CORO2B: variants seen among roughly 807,000 people sequenced by gnomAD.
The protein encoded by CORO2B is coronin-2B.
Under a neutral mutation model 58.8 loss-of-function variants are expected in CORO2B, and 26 were observed. That is an observed-to-expected ratio of 0.44 (90% CI 0.32 to 0.61). The LOEUF (loss-of-function observed/expected upper bound fraction) is 0.61, where lower values mean the gene tolerates loss of function less well. Among genes scored for constraint, CORO2B ranks in the 20% least tolerant of loss-of-function variants. The pLI is 0.04. For synonymous variants in CORO2B, 242 were observed against 253.8 expected (o/e 0.95, Z 0.44); for missense variants, 460 against 645.1 (o/e 0.71, Z 3.11).
chr15:68,711,811 TG>T lies in CORO2B; in HGVS notation c.648+106del, dbSNP rs1177354395. ...AGGCTGTGCCAGCCCCCTTCTCCAGTGCATCTCACTGCACCTCTGTTGAACA... is the reference window on the plus strand; with the variant it reads ...AGGCTGTGCCAGCCCCCTTCTCCAGTCATCTCACTGCACCTCTGTTGAACA... On this transcript the variant is annotated intron_variant, in intron 5 of 11. Coordinates refer to ENST00000261861, the MANE Select transcript of CORO2B (RefSeq NM_006091.5). 3 of 1,261,070 alleles carry T rather than the reference TG, an allele frequency of 2.4e-6. No homozygotes were observed. The Admixed American group carries it at 6.7e-5, about 28-fold the overall frequency. 78.1% of individuals were successfully genotyped at this position (1,261,070 alleles called of 1,614,324 possible).
the CORO2B span, among the ~76,000 whole-genome samples, chr15:68,531,093 C>T: frequency 3.9e-5 from 6 of 152,170 alleles, no homozygotes; most frequent in African/African-American, 1.4e-4. Context: ...CTTTTACATA[C>T]AATCCATGAC....
At chr15:68,695,636 C>T (rs1344540417) in intron 3 of CORO2B, among the ~76,000 whole-genome samples, 2 of 152,240 alleles carry the variant, frequency 1.3e-5, no homozygotes, top group African/African-American at 2.4e-5. Flanking sequence ...AGGAAAAGAG[C>T]GCCTGTTCTT....
At chr15:68,588,716 T>C (rs1899628185) in intron 1 of CORO2B, among the ~76,000 whole-genome samples, 1 of 152,212 alleles carries the variant, frequency 6.6e-6, no homozygotes, top group African/African-American at 2.4e-5. Flanking sequence ...TTTAAACACC[T>C]TGAGTTTGAT....
intron 1 of CORO2B, among the ~76,000 whole-genome samples, chr15:68,629,118 G>A (rs1374873512): frequency 1.3e-5 from 2 of 152,250 alleles, no homozygotes; most frequent in South Asian, 2.1e-4. Context: ...GGGGAGTGCC[G>A]AATGTATCTT....
chr15:68,657,618 G>A (rs563873919), intron 2 of CORO2B, among the ~76,000 whole-genome samples: 92 of 151,924 alleles, frequency 6.1e-4, no homozygotes, highest in African/African-American at 2.1e-3. Flanking sequence ...CCATGATTGA[G>A]TGTAGGACAC....
At chr15:68,660,311 C>T (rs190575863) in intron 2 of CORO2B, among the ~76,000 whole-genome samples, 131 of 152,308 alleles carry the variant, frequency 8.6e-4, no homozygotes, top group Non-Finnish European at 1.6e-3. Flanking sequence ...CACTCATCTC[C>T]ATCAAGTTGT....
the CORO2B span, among the ~76,000 whole-genome samples, chr15:68,531,539 GGAAGGAAGGAAGGAAGGAAAGAAAGA>G: frequency 2.2e-3 from 122 of 54,788 alleles, no homozygotes; most frequent in South Asian, 3.9e-3. Context: ...AAGGAAGGAA[GGAAGGAAGGAAGGAAGGAAAGAAAGA>G]GAAAGAAAGA....
intron 1 of CORO2B, among the ~76,000 whole-genome samples, chr15:68,583,678 G>A (rs1029367750): frequency 6.6e-6 from 1 of 152,228 alleles, no homozygotes; most frequent in Non-Finnish European, 1.5e-5. Flanking sequence ...GGGGGATTAT[G>A]AGGCCCCTCT....
chr15:68,538,953 A>T, the CORO2B span, among the ~76,000 whole-genome samples: 1 of 152,120 alleles, frequency 6.6e-6, no homozygotes, highest in East Asian at 1.9e-4. Flanking sequence ...GGTTTGAAAA[A>T]CCGTTAATCC....
chr15:68,590,921 C>T (rs8039445), intron 1 of CORO2B, among the ~76,000 whole-genome samples: 1,863 of 152,236 alleles, frequency 0.012, 40 homozygotes, highest in African/African-American at 0.04. Context: ...CAGGGCCGGC[C>T]GCCTTCCCCA....
the CORO2B span, among the ~76,000 whole-genome samples, chr15:68,553,380 C>T: frequency 1.1e-4 from 16 of 152,056 alleles, no homozygotes; most frequent in Non-Finnish European, 2.1e-4. Context: ...AACAGGGAGG[C>T]AGGAGGGTTG....
chr15:68,544,690 G>C, the CORO2B span, among the ~76,000 whole-genome samples: 1 of 152,176 alleles, frequency 6.6e-6, no homozygotes, highest in African/African-American at 2.4e-5. Flanking sequence ...GCCTTGGGTA[G>C]GTGGAAGCCC....
At chr15:68,698,153 G>A (rs1314460207) in intron 3 of CORO2B, among the ~76,000 whole-genome samples, 1 of 152,240 alleles carries the variant, frequency 6.6e-6, no homozygotes, top group African/African-American at 2.4e-5. Flanking sequence ...TCACAAGCCA[G>A]GAAGTAGAGG....
At chr15:68,659,051 AG>A (rs1199187261) in intron 2 of CORO2B, among the ~76,000 whole-genome samples, 2 of 152,248 alleles carry the variant, frequency 1.3e-5, no homozygotes, top group Non-Finnish European at 1.5e-5. Flanking sequence ...ACTTATATTT[AG>A]GCAAAACCTT....
In CORO2B at chr15:68,593,199, A is replaced by G. The variant is rs188551028; in HGVS notation, c.15+13922A>G. On this transcript the variant is annotated intron_variant, in intron 1 of 11. Transcript: ENST00000261861. ...CCTCTTAAAGGCCCCATCTCTTAAT[A>G]CTGTTACATTGGCAATTAAATTTCA... Among the ~76,000 whole-genome samples, 5 of 152,318 alleles carry G rather than the reference A, an allele frequency of 3.3e-5. No individual in the cohort carries two copies. In the East Asian group the frequency reaches 9.6e-4, roughly 29 times the overall value.
At chr15:68,643,106 T>C (rs918351145) in intron 1 of CORO2B, among the ~76,000 whole-genome samples, 2 of 152,252 alleles carry the variant, frequency 1.3e-5, no homozygotes, top group Non-Finnish European at 1.5e-5. Flanking sequence ...AATCATGGAT[T>C]TGGCATGCAA....
At chr15:68,557,231 A>G in the CORO2B span, among the ~76,000 whole-genome samples, 1 of 152,238 alleles carries the variant, frequency 6.6e-6, no homozygotes, top group Non-Finnish European at 1.5e-5. Context: ...ATAGAGCTGA[A>G]TCTTGAACAC....
chr15:68,722,389 C>T (rs543086265), intron 11 of CORO2B, among the ~76,000 whole-genome samples: 4 of 152,270 alleles, frequency 2.6e-5, no homozygotes, highest in Non-Finnish European at 5.9e-5. Context: ...CGTAGCAGTT[C>T]GGAAGCAGCC....
chr15:68,644,461 T>C (rs184503958), intron 1 of CORO2B, among the ~76,000 whole-genome samples: 1 of 152,308 alleles, frequency 6.6e-6, no homozygotes, highest in Admixed American at 6.5e-5. Context: ...GAAACCTTGC[T>C]CCAAAGGGTA....
Sources: allele counts gnomAD v4.1 joint callset (sites outside exome capture counted in the v4.1 genomes callset), GRCh38; gene constraint gnomAD v4.1.1; transcripts MANE v1.5; gene names NCBI Gene and HGNC (gene_info 2026-07-23, HGNC 2026-07-21).